PRAMEF12: variants seen among roughly 807,000 people sequenced by gnomAD.
PRAMEF12 encodes the protein PRAME family member 12.
A neutral mutation model predicts 24.6 loss-of-function variants in PRAMEF12; 24 were observed. That is an observed-to-expected ratio of 0.98 (90% CI 0.71 to 1.37). The LOEUF is 1.37. Ranked by LOEUF, PRAMEF12 falls within the 40% of genes most tolerant of loss-of-function variation. The pLI, the probability that PRAMEF12 is intolerant of heterozygous loss-of-function variation, is 0.00. For missense variants in PRAMEF12, 646 were observed against 580.3 expected (o/e 1.11, Z -1.16); for synonymous variants, 286 against 242.6 (o/e 1.18, Z -1.66).
rs531863468 is a variant in PRAMEF12 at position 12,773,869 on chromosome 1, C to T, written c.-999C>T. ...CCCATCTGATCTGCAGCCAGCCAGCCAGTCAGGGATGGTGACATGCAGCCC... is the reference window on the plus strand; with the variant it reads ...CCCATCTGATCTGCAGCCAGCCAGCTAGTCAGGGATGGTGACATGCAGCCC... On this transcript the variant is annotated 5_prime_UTR_variant, in exon 1 of 3. Transcript: ENST00000357726. Among the ~76,000 whole-genome samples the T allele has an allele frequency of 3.3e-5, 5 of 152,308 alleles. No individual in the cohort carries two copies. The highest frequency in any genetic ancestry group is 5.9e-5 in the Non-Finnish European group (4 of 68,036).
In PRAMEF12 at chr1:12,774,632, A is replaced by G. The variant is rs1639020932; in HGVS notation, c.-236A>G. Among the ~76,000 whole-genome samples the G allele has an allele frequency of 6.6e-6, 1 of 152,150 alleles. No homozygotes were observed. The highest frequency in any genetic ancestry group is 2.4e-5 in the African/African-American group (1 of 41,436). Reference sequence around the variant, plus strand: ...AGTGTTACTGAGATTTAGTGCAGCAATGGTTGAAAATGAATGGGCCAGTGG... The same window carrying G: ...AGTGTTACTGAGATTTAGTGCAGCAGTGGTTGAAAATGAATGGGCCAGTGG... On this transcript the variant is annotated 5_prime_UTR_variant, in exon 1 of 3. The change abolishes an upstream ATG in the 5' untranslated region. Coordinates refer to ENST00000357726, the MANE Select transcript of PRAMEF12 (RefSeq NM_001080830.5).
chr1:12,775,013 G>T lies in PRAMEF12; in HGVS notation c.146G>T (p.Cys49Phe). 6.2e-7 allele frequency: 1 copy of T among 1,614,166 alleles called. No individual in the cohort carries two copies. The highest frequency in any genetic ancestry group is 1.1e-5 in the South Asian group (1 of 91,072). Residue 49 changes from cysteine (C) to phenylalanine (F), a missense_variant, in exon 1 of 3, where the codon TGC becomes TTC. Physicochemically the swap from Cys to Phe is radical, Grantham distance 205. Transcript: ENST00000357726. ...ATGGAGGCCTTTACCAGGAGATGCT[G>T]CGAGACCCTGACAACTATGGTGCAG... ...LFMEAFTRRC[C>F]ETLTTMVQAW...
At chr1:12,775,200 G>A in intron 1 of PRAMEF12, 46 bp downstream of exon 1, 1 of 1,566,408 alleles carries the variant, frequency 6.4e-7, no homozygotes, top group Non-Finnish European at 8.6e-7. Context: ...AGGCATCCAG[G>A]GTAGGGTTAG....
Position 12,775,171 on chromosome 1 carries a change from A to G in PRAMEF12, c.287+17A>G. The G allele has an allele frequency of 6.3e-7, 1 of 1,597,870 alleles. No homozygotes were observed. The highest frequency in any genetic ancestry group is 8.5e-7 in the Non-Finnish European group (1 of 1,171,748). On this transcript the variant is annotated intron_variant, in intron 1 of 2. Coordinates refer to ENST00000357726, the MANE Select transcript of PRAMEF12 (RefSeq NM_001080830.5). ...TCGCCCCAGGTGAGGTGACCCAGCT[A>G]ACCAGGTGGGGAGGGCTCAGGCATC... is the stretch of plus-strand genomic sequence containing the variant.
chr1:12,773,765 C>T lies in PRAMEF12; in HGVS notation c.-1103C>T, dbSNP rs1362301896. On this transcript the variant is annotated 5_prime_UTR_variant, in exon 1 of 3. Transcript: ENST00000357726. Reference sequence around the variant, plus strand: ...TCCAAGGCGCTGACACCTGGAGCTACTGCTCGGTTCTCTGAGAGGTTGCAG... The same window carrying T: ...TCCAAGGCGCTGACACCTGGAGCTATTGCTCGGTTCTCTGAGAGGTTGCAG... 1.3e-5 allele frequency among the ~76,000 whole-genome samples: 2 copies of T among 152,184 alleles called. No individual in the cohort carries two copies. The highest frequency in any genetic ancestry group is 2.4e-5 in the African/African-American group (1 of 41,436).
In PRAMEF12 at chr1:12,777,661, C is replaced by G. The variant is rs1463524014; in HGVS notation, c.*62C>G. 9.5e-6 allele frequency: 15 copies of G among 1,573,078 alleles called. No individual in the cohort carries two copies. The highest frequency in any genetic ancestry group is 1.1e-5 in the Non-Finnish European group (13 of 1,149,954). On this transcript the variant is annotated 3_prime_UTR_variant, in exon 3 of 3. Transcript: ENST00000357726. ...CCATGAGTGTATGTCAAAGGGAGCACAGACCCATCGTTTCATATGCCTGCT... is the reference window on the plus strand; with the variant it reads ...CCATGAGTGTATGTCAAAGGGAGCAGAGACCCATCGTTTCATATGCCTGCT...
Position 12,777,437 on chromosome 1 carries a change from T to C in PRAMEF12, c.1290T>C (p.Ser430=), listed in dbSNP as rs1302547931. 1 of 1,614,002 alleles carries C rather than the reference T, an allele frequency of 6.2e-7. No individual in the cohort carries two copies. Among genetic ancestry groups the C allele is most frequent in the Non-Finnish European group, 8.5e-7 (1 of 1,179,964 alleles). ...GTGCTCTCTGCTGGGGAAGATTTTC[T>C]CAACTTGGGGCTGAGCTGATGAAGA... ...AQGALCWGRF[S]QLGAELMKTL... Residue 430 remains serine, a synonymous_variant, in exon 3 of 3, where the codon TCT becomes TCC. Transcript: ENST00000357726.
In PRAMEF12 at chr1:12,776,022, TC is replaced by T; in HGVS notation, c.769del (p.Gln257SerfsTer42). ...IPLDRKEQFVIQFTSQFLKLD... is the reference protein window; with the variant it reads ...IPLDRKEQFVXQFTSQFLKLD... ...CTAGACAGGAAGGAGCAGTTTGTCA[TC>T]CAGTTCACCTCTCAGTTCCTCAAGC... On this transcript the variant is annotated frameshift_variant, in exon 2 of 3. Transcript: ENST00000357726. LOFTEE classifies it high-confidence loss of function. 3 of 1,614,184 alleles carry T rather than the reference TC, an allele frequency of 1.9e-6. No individual in the cohort carries two copies. Among genetic ancestry groups the T allele is most frequent in the Non-Finnish European group, 2.5e-6 (3 of 1,180,026 alleles).
At chr1:12,776,947 T>C in intron 2 of PRAMEF12, 64 bp from the exon 3 acceptor site, 12 of 1,500,730 alleles carry the variant, frequency 8.0e-6, no homozygotes, top group South Asian at 1.3e-5. Flanking sequence ...TTGTGAAAAG[T>C]GTCATCTCTC....
In PRAMEF12 at chr1:12,777,083, C is replaced by T; in HGVS notation, c.936C>T (p.Leu312=). The part of the protein sequence containing the change: ...CLLSESDLKH[L]SWCPSIRQLK... ...TGTCAGAGTCGGACCTGAAGCATCT[C>T]TCTTGGTGCCCGAGCATCCGTCAGC... The change falls in exon 3 of 3, where the codon CTC becomes CTT. Residue 312 remains leucine, a synonymous_variant. Transcript: ENST00000357726. 1.2e-6 allele frequency: 2 copies of T among 1,613,888 alleles called. No individual in the cohort carries two copies. The highest frequency in any genetic ancestry group is 4.5e-5 in the East Asian group (2 of 44,828).
chr1:12,775,679 C>A lies in PRAMEF12; in HGVS notation c.424C>A (p.Gln142Lys). ...TAGNCPRPGG[Q>K]QPLMVILDLC... ...AGGGAACTGTCCAAGGCCGGGTGGG[C>A]AGCAGCCCTTGATGGTGATCCTAGA... Residue 142 changes from glutamine (Q) to lysine (K), a missense_variant, in exon 2 of 3, where the codon CAG becomes AAG. Transcript: ENST00000357726. The A allele has an allele frequency of 3.1e-6, 5 of 1,613,924 alleles. No homozygotes were observed. The highest frequency in any genetic ancestry group is 4.2e-6 in the Non-Finnish European group (5 of 1,179,994).
At position 12,774,850 on chromosome 1, in the gene PRAMEF12, T is replaced by A. The variant is rs773354697; in HGVS notation, c.-18T>A. The A allele has an allele frequency of 2.6e-6, 4 of 1,563,764 alleles. No homozygotes were observed. Among genetic ancestry groups the A allele is most frequent in the Non-Finnish European group, 3.5e-6 (4 of 1,157,728 alleles). On this transcript the variant is annotated 5_prime_UTR_variant, in exon 1 of 3. Transcript: ENST00000357726. ...GATTTGCCGTAAGAATGATGTTTTT[T>A]TCTCTAGATTCATCAGGATGAGCCT...
rs1446119806 is a variant in PRAMEF12, at chr1:12,774,644, G to A, written c.-224G>A. 6.6e-6 allele frequency among the ~76,000 whole-genome samples: 1 copy of A among 152,192 alleles called. No individual in the cohort carries two copies. Among genetic ancestry groups the A allele is most frequent in the African/African-American group, 2.4e-5 (1 of 41,436 alleles). ...ATTTAGTGCAGCAATGGTTGAAAAT[G>A]AATGGGCCAGTGGTTACCTTGCCCT... On this transcript the variant is annotated 5_prime_UTR_variant, in exon 1 of 3. An upstream start codon of the reference 5' UTR is lost. Transcript: ENST00000357726.
chr1:12,776,496 A>G (rs764413288), intron 2 of PRAMEF12, among the ~76,000 whole-genome samples: 14 of 152,160 alleles, frequency 9.2e-5, no homozygotes, highest in Non-Finnish European at 1.9e-4. Context: ...CCTCCATTTT[A>G]AAATATAAGG....
Position 12,776,097 on chromosome 1 carries a change from G to A in PRAMEF12, c.842G>A (p.Gly281Asp). 1.2e-6 allele frequency: 2 copies of A among 1,614,146 alleles called. No individual in the cohort carries two copies. The highest frequency in any genetic ancestry group is 1.6e-4 in the Middle Eastern group (1 of 6,062). ...ATGCACTCTGTCTCTTTCCTCGAAG[G>A]CCACCTGGACCAGCTGCTCAGGTGA... ...LYMHSVSFLE[G>D]HLDQLLRCLQ... The change falls in exon 2 of 3, where the codon GGC becomes GAC. Residue 281 changes from glycine to aspartate, a missense_variant. Physicochemically the swap from Gly to Asp is moderately conservative, Grantham distance 94. Coordinates refer to ENST00000357726, the MANE Select transcript of PRAMEF12 (RefSeq NM_001080830.5).
At position 12,775,876 on chromosome 1, in the gene PRAMEF12, G is replaced by A. The variant is rs374423507; in HGVS notation, c.621G>A (p.Glu207=). ...LNTVELDCIQ[E]VEVCCPWELS... ...CGGTGGAGCTAGACTGTATCCAGGA[G>A]GTGGAAGTGTGCTGCCCGTGGGAGC... Residue 207 remains glutamate, a synonymous_variant, in exon 2 of 3, where the codon GAG becomes GAA. Coordinates refer to ENST00000357726, the MANE Select transcript of PRAMEF12 (RefSeq NM_001080830.5). 6.2e-7 allele frequency: 1 copy of A among 1,614,082 alleles called. No individual in the cohort carries two copies. The highest frequency in any genetic ancestry group is 8.5e-7 in the Non-Finnish European group (1 of 1,180,018).
Position 12,776,132 on chromosome 1 carries a change from G to C in PRAMEF12, c.863+14G>C. ...CCAGCTGCTCAGGTGAGGAAGTATGGTGAGCTTTCTCTGCAGACCGCAGCA... is the reference window on the plus strand; with the variant it reads ...CCAGCTGCTCAGGTGAGGAAGTATGCTGAGCTTTCTCTGCAGACCGCAGCA... On this transcript the variant is annotated intron_variant, in intron 2 of 2. Transcript: ENST00000357726. 7 of 1,609,946 alleles carry C rather than the reference G, an allele frequency of 4.3e-6. No individual in the cohort carries two copies. Among genetic ancestry groups the C allele is most frequent in the Non-Finnish European group, 6.0e-6 (7 of 1,176,250 alleles).
rs1388703280 is a variant in PRAMEF12, at chr1:12,775,564, G to A, written c.309G>A (p.Leu103=). The A allele has an allele frequency of 1.2e-6, 2 of 1,611,396 alleles. No homozygotes were observed. The highest frequency in any genetic ancestry group is 8.5e-7 in the Non-Finnish European group (1 of 1,178,220). The part of the protein sequence containing the change: ...VRPRRWKLQV[L]DLRNVDENFW... ...ACAGGCGGTGGAAACTTCAAGTGTT[G>A]GACTTGCGGAATGTGGATGAGAACT... Residue 103 remains leucine (L), a synonymous_variant, in exon 2 of 3, where the codon TTG becomes TTA. Transcript: ENST00000357726.
chr1:12,777,497 G>A lies in PRAMEF12; in HGVS notation c.1350G>A (p.Val450=), dbSNP rs1639074111. 6 of 1,613,940 alleles carry A rather than the reference G, an allele frequency of 3.7e-6. No homozygotes were observed. Among genetic ancestry groups the A allele is most frequent in the Non-Finnish European group, 5.1e-6 (6 of 1,180,020 alleles). The change falls in exon 3 of 3, where the codon GTG becomes GTA. Residue 450 remains valine, a synonymous_variant. Transcript: ENST00000357726. ...LRDLRQPKII[V]FSTVPCPRCG... ...ACTTAAGGCAGCCCAAGATAATTGTGTTCAGCACTGTCCCCTGCCCTCGCT... is the reference window on the plus strand; with the variant it reads ...ACTTAAGGCAGCCCAAGATAATTGTATTCAGCACTGTCCCCTGCCCTCGCT...
Sources: allele counts gnomAD v4.1 joint callset (sites outside exome capture counted in the v4.1 genomes callset), GRCh38; gene constraint gnomAD v4.1.1; transcripts MANE v1.5; gene names NCBI Gene and HGNC (gene_info 2026-07-23, HGNC 2026-07-21).